The following LRFN5 variants were observed in gnomAD, a reference collection of about 807,000 sequenced individuals.
LRFN5 encodes the protein leucine-rich repeat and fibronectin type-III domain-containing protein 5.
In LRFN5, 24 loss-of-function variants were observed where a neutral mutation model predicts 45.6. The ratio of observed to expected loss-of-function variants is 0.53; its 90% confidence interval spans 0.38 to 0.74. The LOEUF is 0.74. Ranked by LOEUF, LRFN5 falls within the 30% of genes least tolerant of loss-of-function variation. The pLI is 0.00. For synonymous variants in LRFN5, 340 were observed against 313.8 expected (o/e 1.08, Z -0.88); for missense variants, 776 against 861.5 (o/e 0.90, Z 1.24).
chr14:41,854,866 TCTC>T (rs2139083652), intron 2 of LRFN5, among the ~76,000 whole-genome samples: 1 of 152,322 alleles, frequency 6.6e-6, no homozygotes, highest in Admixed American at 6.5e-5. Context: ...CAAATTCACA[TCTC>T]TGATCGATAA....
rs184811138 is a variant in LRFN5, at chr14:41,726,303, C to T, written c.-196-40551C>T. On this transcript the variant is annotated intron_variant, in intron 1 of 5. Transcript: ENST00000298119. ...CATTGCTTGCCTTTCCTATAAACTG[C>T]GTTCATTTTTCCTTTCCAATTTGTG... is the stretch of plus-strand genomic sequence containing the variant. 3.3e-3 allele frequency among the ~76,000 whole-genome samples: 498 copies of T among 152,128 alleles called. 1 individual carries two copies. Among genetic ancestry groups the T allele is most frequent in the Non-Finnish European group, 6.1e-3 (417 of 67,970 alleles).
At position 41,793,071 on chromosome 14, in the gene LRFN5, C is replaced by T. The variant is rs12588522; in HGVS notation, c.-21+26042C>T. On this transcript the variant is annotated intron_variant, in intron 2 of 5. Coordinates refer to ENST00000298119, the MANE Select transcript of LRFN5 (RefSeq NM_152447.5). ...CTAGAGGACGAGTTAGTGGGTGCAGCGCACCAGCATGGCACATGTATACAT... is the reference window on the plus strand; with the variant it reads ...CTAGAGGACGAGTTAGTGGGTGCAGTGCACCAGCATGGCACATGTATACAT... 5.1e-4 allele frequency among the ~76,000 whole-genome samples: 77 copies of T among 151,266 alleles called. 2 individuals are homozygous for T. In the East Asian group the frequency reaches 0.012, roughly 24 times the overall value.
rs1207281360 is a variant in LRFN5, at chr14:41,704,440, C to CTGTGTG, written c.-196-62413_-196-62412insGTGTGT. Among the ~76,000 whole-genome samples, 21 of 125,354 alleles carry CTGTGTG rather than the reference C, an allele frequency of 1.7e-4. 1 individual carries two copies. The highest frequency in any genetic ancestry group is 6.9e-4 in the African/African-American group (19 of 27,530). The allele number at this position is 125,354 out of a possible 152,430, so 82.2% of individuals were successfully genotyped here. On this transcript the variant is annotated intron_variant, in intron 1 of 5. Transcript: ENST00000298119. ...TCTCTCTCTCTCTCTCTCTCTCTCT[C>CTGTGTG]TCTCTCTCTGTGTGTGTGTGTCTGT...
intron 1 of LRFN5, among the ~76,000 whole-genome samples, chr14:41,727,249 C>A (rs1313300210): frequency 6.6e-6 from 1 of 152,118 alleles, no homozygotes; most frequent in Non-Finnish European, 1.5e-5. Context: ...TGGTAACTAT[C>A]TTAAACGACA....
intron 1 of LRFN5, among the ~76,000 whole-genome samples, chr14:41,732,493 A>C (rs1884222416): frequency 6.6e-6 from 1 of 152,180 alleles, no homozygotes; most frequent in African/African-American, 2.4e-5. Flanking sequence ...ACACTTGCCA[A>C]GGGGAAGTTA....
chr14:41,897,603 T>C (rs1890982239), intron 4 of LRFN5, among the ~76,000 whole-genome samples: 1 of 152,126 alleles, frequency 6.6e-6, no homozygotes, highest in African/African-American at 2.4e-5. Context: ...AAAACATAGA[T>C]TTAAATGGAC....
chr14:41,635,962 A>T (rs1160863517), intron 1 of LRFN5, among the ~76,000 whole-genome samples: 2 of 152,144 alleles, frequency 1.3e-5, no homozygotes, highest in Non-Finnish European at 2.9e-5. Flanking sequence ...GGATTGGAAC[A>T]TTCTAGTCAA....
At chr14:41,797,840 T>A (rs1313273162) in intron 2 of LRFN5, among the ~76,000 whole-genome samples, 2 of 151,922 alleles carry the variant, frequency 1.3e-5, no homozygotes, top group Non-Finnish European at 2.9e-5. Flanking sequence ...AATCTCTAAT[T>A]TACTCAGTGT....
chr14:41,773,544 CCT>C lies in LRFN5; in HGVS notation c.-21+6528_-21+6529del, dbSNP rs1005969963. 5.3e-5 allele frequency among the ~76,000 whole-genome samples: 8 copies of C among 151,212 alleles called. 1 individual carries two copies. The highest frequency in any genetic ancestry group is 9.7e-5 in the African/African-American group (4 of 41,280). ...TATAATCACAGGCATAGAGCATTTTCCTCTCTCTCTCTCTTTGTCTCTCTCTC... is the reference window on the plus strand; with the variant it reads ...TATAATCACAGGCATAGAGCATTTTCCTCTCTCTCTCTTTGTCTCTCTCTC... On this transcript the variant is annotated intron_variant, in intron 2 of 5. Coordinates refer to ENST00000298119, the MANE Select transcript of LRFN5 (RefSeq NM_152447.5).
chr14:41,641,424 C>T (rs1046305765), intron 1 of LRFN5, among the ~76,000 whole-genome samples: 2 of 152,006 alleles, frequency 1.3e-5, no homozygotes, highest in African/African-American at 4.8e-5. Context: ...GGAAGACTAA[C>T]ATTTTGGTTA....
In LRFN5 at chr14:41,846,396, T is replaced by A. The variant is rs76580923; in HGVS notation, c.-20-40210T>A. The stretch of plus-strand genomic sequence containing the variant: ...ATAGAATCAAAAATACATTTTGCTA[T>A]AATCGTATAATGTAATAATGTATAG... On this transcript the variant is annotated intron_variant, in intron 2 of 5. Coordinates refer to ENST00000298119, the MANE Select transcript of LRFN5 (RefSeq NM_152447.5). Among the ~76,000 whole-genome samples the A allele has an allele frequency of 5.8e-4, 89 of 152,242 alleles. 1 individual carries two copies. In the East Asian group the frequency reaches 0.014, roughly 24 times the overall value.
chr14:41,856,911 G>A (rs1463987945), intron 2 of LRFN5, among the ~76,000 whole-genome samples: 17 of 150,312 alleles, frequency 1.1e-4, no homozygotes, highest in African/African-American at 1.5e-4. Context: ...TGATCCGCCC[G>A]CCTCGGCCTC....
At chr14:41,845,741 A>C (rs1286142077) in intron 2 of LRFN5, among the ~76,000 whole-genome samples, 1 of 152,308 alleles carries the variant, frequency 6.6e-6, no homozygotes, top group East Asian at 1.9e-4. Flanking sequence ...AAAAAAGTTG[A>C]ATACTACCCA....
intron 2 of LRFN5, among the ~76,000 whole-genome samples, chr14:41,842,060 A>G (rs1415797608): frequency 1.3e-5 from 2 of 151,988 alleles, no homozygotes; most frequent in South Asian, 4.1e-4. Flanking sequence ...TGATGTCACA[A>G]TGAATATGGT....
At chr14:41,895,118 A>T (rs1156448657) in intron 4 of LRFN5, 4 of 880,698 alleles carry the variant, frequency 4.5e-6, no homozygotes, top group Non-Finnish European at 5.4e-6. Context: ...AACTTTTTTT[A>T]AAATTGTGTT....
intron 1 of LRFN5, among the ~76,000 whole-genome samples, chr14:41,684,730 A>G (rs1368666864): frequency 1.3e-5 from 2 of 152,234 alleles, no homozygotes; most frequent in African/African-American, 4.8e-5. Context: ...ACTGTAGGAC[A>G]TCGGAATGGG....
intron 1 of LRFN5, among the ~76,000 whole-genome samples, chr14:41,728,410 ACT>A: frequency 6.6e-6 from 1 of 152,196 alleles, no homozygotes; most frequent in Non-Finnish European, 1.5e-5. Context: ...GAGTCCAAAG[ACT>A]CTCAAGGAAA....
At chr14:41,662,385 A>T (rs1397198361) in intron 1 of LRFN5, among the ~76,000 whole-genome samples, 1 of 152,022 alleles carries the variant, frequency 6.6e-6, no homozygotes, top group Non-Finnish European at 1.5e-5. Flanking sequence ...GATATCCATT[A>T]AAAAAATAAG....
chr14:41,738,840 A>G (rs2138814471), intron 1 of LRFN5, among the ~76,000 whole-genome samples: 1 of 152,262 alleles, frequency 6.6e-6, no homozygotes, highest in East Asian at 1.9e-4. Context: ...AGCTTTATAA[A>G]TCTGTGTTTC....
Sources: gnomAD v4.1 joint callset for allele counts (sites outside exome capture counted in the v4.1 genomes callset) on GRCh38, gnomAD v4.1.1 for gene constraint, MANE v1.5 for transcripts, NCBI Gene and HGNC (gene_info 2026-07-23, HGNC 2026-07-21) for gene names.